Variants in NPTN observed in about 807,000 individuals in gnomAD.
NPTN encodes neuroplastin.
In NPTN, 5 loss-of-function variants were observed where a neutral mutation model predicts 42.7. The ratio of observed to expected loss-of-function variants is 0.12; its 90% CI spans 0.06 to 0.25. NPTN has a LOEUF of 0.25. NPTN is among the 10% of genes least tolerant of loss of function. NPTN has a pLI of 1.00. For missense variants in NPTN, 307 were observed against 525.4 expected, an observed-to-expected ratio of 0.58 and a Z score of 4.06; for synonymous variants, 180 against 201.9, an observed-to-expected ratio of 0.89 and a Z score of 0.92.
rs1162310238 is a variant in NPTN, at chr15:73,629,686, T to C, written c.91+3439A>G. Among the ~76,000 whole-genome samples, 7 of 152,124 alleles carry C rather than the reference T, an allele frequency of 4.6e-5. No homozygotes were observed. In the East Asian group the frequency reaches 9.6e-4, roughly 21 times the overall value. On this transcript the variant is annotated intron_variant, in intron 1 of 8. Transcript: ENST00000345330. ...TGTCATATTTTCCATATGAATATATTACGTTTTTACACACCACTCCACATT... is the reference window on the plus strand; with the variant it reads ...TGTCATATTTTCCATATGAATATATCACGTTTTTACACACCACTCCACATT...
At chr15:73,630,673 G>A (rs1898688000) in intron 1 of NPTN, among the ~76,000 whole-genome samples, 2 of 152,196 alleles carry the variant, frequency 1.3e-5, no homozygotes, top group African/African-American at 4.8e-5. Context: ...TCCCAATTCA[G>A]AGATACTTGT....
intron 1 of NPTN, among the ~76,000 whole-genome samples, chr15:73,620,189 T>C (rs961837707): frequency 6.6e-6 from 1 of 152,238 alleles, no homozygotes; most frequent in Non-Finnish European, 1.5e-5. Context: ...GTTTAGCAAA[T>C]GGTACTTGTT....
chr15:73,621,576 T>A (rs2141470420), intron 1 of NPTN, among the ~76,000 whole-genome samples: 1 of 152,310 alleles, frequency 6.6e-6, no homozygotes, highest in African/African-American at 2.4e-5. Context: ...TTACACTAAT[T>A]TTTAAAACAG....
chr15:73,574,298 C>G (rs1895566969), intron 4 of NPTN, among the ~76,000 whole-genome samples: 1 of 152,158 alleles, frequency 6.6e-6, no homozygotes, highest in African/African-American at 2.4e-5. Flanking sequence ...CTTGGAGAAG[C>G]TACTCAATAA....
chr15:73,563,546 G>A (rs942750026), intron 6 of NPTN: 4 of 1,217,716 alleles, frequency 3.3e-6, no homozygotes, highest in African/African-American at 3.1e-5. Flanking sequence ...CTGCAACATT[G>A]TTATACTCAT....
intron 1 of NPTN, among the ~76,000 whole-genome samples, chr15:73,629,826 G>A (rs1472703646): frequency 6.7e-6 from 1 of 149,858 alleles, no homozygotes; most frequent in Non-Finnish European, 1.5e-5. Flanking sequence ...CCACTTGAAA[G>A]ATTTGGTTCA....
chr15:73,564,311 T>C (rs1894854225), intron 6 of NPTN, among the ~76,000 whole-genome samples: 1 of 152,108 alleles, frequency 6.6e-6, no homozygotes, highest in African/African-American at 2.4e-5. Context: ...CAAGGGGGCT[T>C]GGTGCACATG....
chr15:73,625,058 T>A (rs1566992478), intron 1 of NPTN, among the ~76,000 whole-genome samples: 1 of 152,330 alleles, frequency 6.6e-6, no homozygotes, highest in Non-Finnish European at 1.5e-5. Flanking sequence ...AAAATCCTTG[T>A]GTTAACAAAA....
intron 4 of NPTN, among the ~76,000 whole-genome samples, chr15:73,584,698 C>T (rs1348854553): frequency 1.3e-5 from 2 of 150,384 alleles, no homozygotes; most frequent in Non-Finnish European, 2.9e-5. Context: ...GATCACCTGC[C>T]GAATACCTGA....
Position 73,560,075 on chromosome 15 carries a change from A to T in NPTN, c.*988T>A. The T allele has an allele frequency of 1.7e-6, 1 of 583,840 alleles. No individual in the cohort carries two copies. The highest frequency in any genetic ancestry group is 2.8e-6 in the Non-Finnish European group (1 of 357,570). 36.2% of individuals were successfully genotyped at this position (583,840 alleles called of 1,614,324 possible). On this transcript the variant is annotated 3_prime_UTR_variant, in exon 9 of 9. Transcript: ENST00000345330. ...AATCCACTTTTTTATACATCATTGC[A>T]CTTCAATAATTACACAAAACACACA...
intron 1 of NPTN, among the ~76,000 whole-genome samples, chr15:73,602,199 G>C (rs1897111207): frequency 6.6e-6 from 1 of 152,036 alleles, no homozygotes; most frequent in Non-Finnish European, 1.5e-5. Flanking sequence ...CAAGAAATCA[G>C]ACTAACTTTC....
intron 2 of NPTN, among the ~76,000 whole-genome samples, chr15:73,594,191 C>T (rs1002927431): frequency 6.6e-6 from 1 of 152,194 alleles, no homozygotes; most frequent in Admixed American, 6.5e-5. Context: ...TTGGGACTCT[C>T]GTTCTGGGTA....
chr15:73,572,473 T>C (rs898186852), intron 5 of NPTN, among the ~76,000 whole-genome samples: 7 of 152,230 alleles, frequency 4.6e-5, no homozygotes, highest in South Asian at 2.1e-4. Flanking sequence ...TTTGACATTT[T>C]CTGGGGCAAA....
intron 5 of NPTN, among the ~76,000 whole-genome samples, chr15:73,571,961 G>A (rs969063727): frequency 6.6e-6 from 1 of 152,050 alleles, no homozygotes; most frequent in African/African-American, 2.4e-5. Context: ...AAAGCTCAAG[G>A]GCACTCCTTC....
chr15:73,560,092 A>C lies in NPTN; in HGVS notation c.*971T>G. The stretch of plus-strand genomic sequence containing the variant: ...ATCATTGCACTTCAATAATTACACA[A>C]AACACACAAGTACATGCATCTACAA... On this transcript the variant is annotated 3_prime_UTR_variant, in exon 9 of 9. Transcript: ENST00000345330. The C allele has an allele frequency of 1.8e-6, 1 of 543,570 alleles. No individual in the cohort carries two copies. The highest frequency in any genetic ancestry group is 3.1e-6 in the Non-Finnish European group (1 of 323,850). The allele number at this position is 543,570 out of a possible 1,614,324, so 33.7% of individuals were successfully genotyped here.
chr15:73,626,126 TA>T (rs1466205578), intron 1 of NPTN, among the ~76,000 whole-genome samples: 1 of 152,188 alleles, frequency 6.6e-6, no homozygotes, highest in African/African-American at 2.4e-5. Flanking sequence ...AAAGATAACA[TA>T]AAAATACAAA....
At chr15:73,614,557 A>G (rs1378693360) in intron 1 of NPTN, among the ~76,000 whole-genome samples, 3 of 152,192 alleles carry the variant, frequency 2.0e-5, no homozygotes, top group African/African-American at 7.2e-5. Context: ...AAGAAAGAAT[A>G]TATGTTAACA....
intron 3 of NPTN, chr15:73,591,675 T>A (rs1436519250): frequency 6.1e-5 from 13 of 213,118 alleles, no homozygotes. Flanking sequence ...AGTGTGACTC[T>A]CCTATTGACT....
chr15:73,563,279 A>G, intron 6 of NPTN, 22 bp from the exon 7 acceptor site: 1 of 1,613,034 alleles, frequency 6.2e-7, no homozygotes, highest in South Asian at 1.1e-5. Context: ...TCAGTTTTTT[A>G]AAAATCCATG....
Sources: allele counts gnomAD v4.1 joint callset (sites outside exome capture counted in the v4.1 genomes callset), GRCh38; gene constraint gnomAD v4.1.1; transcripts MANE v1.5; gene names NCBI Gene and HGNC (gene_info 2026-07-23, HGNC 2026-07-21).